Variants in STK36 observed in about 807,000 individuals in gnomAD.
STK36 encodes the protein serine/threonine-protein kinase 36.
STK36 carries 116 observed loss-of-function variants against 142.2 expected under a neutral mutation model. The ratio of observed to expected loss-of-function variants is 0.82; its 90% CI spans 0.70 to 0.95. The LOEUF is 0.95. STK36 is among the 40% of genes least tolerant of loss of function. The pLI is 0.00. For missense variants in STK36, 1,422 were observed against 1,617.2 expected (o/e 0.88, Z 2.07); for synonymous variants, 619 against 641.7 (o/e 0.96, Z 0.53).
chr2:218,693,437 A>G, intron 17 of STK36, 93 bp downstream of exon 17: 2 of 1,246,340 alleles, frequency 1.6e-6, no homozygotes, highest in Middle Eastern at 1.9e-4. Flanking sequence ...GAGGACTAAA[A>G]GAGAGAGAGA....
In STK36 at chr2:218,697,607, A is replaced by C; in HGVS notation, c.2906A>C (p.Gln969Pro). The C allele has an allele frequency of 6.2e-7, 1 of 1,614,174 alleles. No individual in the cohort carries two copies. Among genetic ancestry groups the C allele is most frequent in the Non-Finnish European group, 8.5e-7 (1 of 1,180,038 alleles). The change falls in exon 24 of 27, where the codon CAG becomes CCG. Residue 969 changes from glutamine to proline, a missense_variant. Gln to Pro is a moderately conservative substitution (Grantham distance 76). Coordinates refer to ENST00000295709, the MANE Select transcript of STK36 (RefSeq NM_015690.5). ...LCPSFLNQLR[Q>P]APHGSEFLPV... ...CCCAGCTTCCTGAATCAACTGCGCC[A>C]GGCGTGAGTTTGAGCTAGAAGAGAG...
chr2:218,690,470 C>T lies in STK36; in HGVS notation c.1679C>T (p.Ala560Val), dbSNP rs1466353195. The T allele has an allele frequency of 6.2e-7, 1 of 1,614,010 alleles. No individual in the cohort carries two copies. Among genetic ancestry groups the T allele is most frequent in the Non-Finnish European group, 8.5e-7 (1 of 1,180,014 alleles). ...TSDSLQVFQE[A>V]ANLFLDLLGK... The stretch of plus-strand genomic sequence containing the variant: ...CCCAGCCTGCAGGTGTTTCAGGAGG[C>T]TGCCAACCTTTTTCTGGACCTGTTG... Residue 560 changes from alanine to valine, a missense_variant, in exon 14 of 27, where the codon GCT (alanine) becomes GTT (valine). By Grantham distance (64) the Ala-to-Val change is moderately conservative (BLOSUM62 0). Around this residue, in one of 2 missense-constraint regions of STK36, gnomAD observed 962 missense variants for 1,167.5 expected, o/e 0.82. Coordinates refer to ENST00000295709, the MANE Select transcript of STK36 (RefSeq NM_015690.5).
chr2:218,692,510 C>T (rs1335044513), intron 15 of STK36, 73 bp from the exon 16 acceptor site: 7 of 1,535,864 alleles, frequency 4.6e-6, no homozygotes, highest in East Asian at 2.3e-5. Context: ...GCTGCCATGT[C>T]GGTGAGTACT....
Position 218,688,764 on chromosome 2 carries a change from T to C in STK36, c.1448T>C (p.Leu483Pro). Residue 483 changes from leucine to proline, a missense_variant, in exon 12 of 27, where the codon CTC (leucine) becomes CCC (proline). Leu to Pro is a moderately conservative substitution (Grantham distance 98). Transcript: ENST00000295709. ...GCATTCCGGGTCCTGAGCAGTCTTC[T>C]CTCCAGCTGCAGTGATTCTGTTGCC... The part of the protein sequence containing the change: ...LPAFRVLSSL[L>P]SSCSDSVALY... 6.2e-7 allele frequency: 1 copy of C among 1,614,224 alleles called. No homozygotes were observed. The highest frequency in any genetic ancestry group is 8.5e-7 in the Non-Finnish European group (1 of 1,180,034).
rs1940439811 is a variant in STK36 at position 218,679,986 on chromosome 2, C to G, written c.1042C>G (p.Pro348Ala). The change falls in exon 9 of 27, where the codon CCT becomes GCT. Residue 348 changes from proline to alanine, a missense_variant. This residue lies in a region of STK36 where 460 missense variants were observed against 449.6 expected (regional missense o/e 1.02). Coordinates refer to ENST00000295709, the MANE Select transcript of STK36 (RefSeq NM_015690.5). Reference protein sequence around the residue: ...TAPLPRLGATPQESSLLAGIL... With the variant: ...TAPLPRLGATAQESSLLAGIL... ...CCCTCTGCCCAGACTCGGGGCCACTCCTCAGGAATCAAGCCTCCTGGCCGG... is the reference window on the plus strand; with the variant it reads ...CCCTCTGCCCAGACTCGGGGCCACTGCTCAGGAATCAAGCCTCCTGGCCGG... 1 of 1,614,056 alleles carries G rather than the reference C, an allele frequency of 6.2e-7. No individual in the cohort carries two copies.
At chr2:218,693,385 C>T (rs777164162) in intron 17 of STK36, 41 bp downstream of exon 17, 2 of 1,565,190 alleles carry the variant, frequency 1.3e-6, no homozygotes, top group African/African-American at 1.4e-5. Context: ...TTATTTTTAA[C>T]TCCCAGTGCA....
rs368735138 is a variant in STK36 at position 218,696,510 on chromosome 2, A to G, written c.2512-17A>G. ...TTCCTCTTAGGCACCTGCATTCTTC[A>G]TGTTTCTCTCTGACAGGTTCGGTTG... On this transcript the variant is annotated splice_polypyrimidine_tract_variant and intron_variant, in intron 21 of 26. Transcript: ENST00000295709. 96 of 1,613,172 alleles carry G rather than the reference A, an allele frequency of 6.0e-5. No homozygotes were observed. Among genetic ancestry groups the G allele is most frequent in the Non-Finnish European group, 7.5e-5 (89 of 1,179,336 alleles).
At chr2:218,685,025 G>A in intron 10 of STK36, 60 bp from the exon 11 acceptor site, 1 of 1,598,040 alleles carries the variant, frequency 6.3e-7, no homozygotes, top group Non-Finnish European at 8.6e-7. Context: ...CTACTGGTTG[G>A]GATCTACTAC....
Position 218,672,119 on chromosome 2 carries a change from G to A in STK36, c.-186G>A. On this transcript the variant is annotated 5_prime_UTR_variant, in exon 1 of 27. In the 5' UTR this introduces an upstream ATG that the reference lacks. Transcript: ENST00000295709. ...CTGATGGCCCTGAGGCAGTTCGGAT[G>A]TGTCCCAGGAAGTGCCCATGTGTGG... 1 of 928,318 alleles carries A rather than the reference G, an allele frequency of 1.1e-6. No individual in the cohort carries two copies. Among genetic ancestry groups the A allele is most frequent in the Non-Finnish European group, 1.7e-6 (1 of 597,138 alleles). 57.5% of individuals were successfully genotyped at this position (928,318 alleles called of 1,614,324 possible).
chr2:218,699,181 G>C lies in STK36; in HGVS notation c.3637G>C (p.Ala1213Pro). Residue 1213 changes from alanine (A) to proline (P), a missense_variant, in exon 26 of 27, where the codon GCA becomes CCA. By Grantham distance (27) the Ala-to-Pro change is conservative (BLOSUM62 -1). This residue lies in a region of STK36 where 962 missense variants were observed against 1,167.5 expected (regional missense o/e 0.82). Transcript: ENST00000295709. ...TCAGGCTGGTATCCGGCGCAATGTT[G>C]CATCAGCTCTGGGCAACTTGGGACC... The part of the protein sequence containing the change: ...DPQAGIRRNV[A>P]SALGNLGPEG... 1 of 1,614,110 alleles carries C rather than the reference G, an allele frequency of 6.2e-7. No individual in the cohort carries two copies. Among genetic ancestry groups the C allele is most frequent in the Non-Finnish European group, 8.5e-7 (1 of 1,180,034 alleles).
chr2:218,678,397 C>G (rs902265596), intron 6 of STK36, among the ~76,000 whole-genome samples: 1 of 152,022 alleles, frequency 6.6e-6, no homozygotes, highest in African/African-American at 2.4e-5. Context: ...TGAGGGGGCC[C>G]GAATAATTGT....
rs759539091 is a variant in STK36 at position 218,673,856 on chromosome 2, G to T, written c.226-23G>T. 5.0e-6 allele frequency: 8 copies of T among 1,614,208 alleles called. No individual in the cohort carries two copies. The South Asian group carries it at 6.6e-5, about 13-fold the overall frequency. ...AGAATGCATGAATCTGGAGCCATCA[G>T]TGCCACTGCCTTCTCTCTGTAGGTG... is the stretch of plus-strand genomic sequence containing the variant. On this transcript the variant is annotated intron_variant, in intron 3 of 26. Transcript: ENST00000295709.
chr2:218,689,839 C>T lies in STK36; in HGVS notation c.1561-20C>T. 1.9e-6 allele frequency: 3 copies of T among 1,601,254 alleles called. No individual in the cohort carries two copies. The highest frequency in any genetic ancestry group is 2.6e-6 in the Non-Finnish European group (3 of 1,172,488). On this transcript the variant is annotated intron_variant, in intron 12 of 26. Coordinates refer to ENST00000295709, the MANE Select transcript of STK36 (RefSeq NM_015690.5). ...CCATCCTTCACATTGCCCTTACTCTCTTCTCCTTTTCCTGGGCAGCAATCT... is the reference window on the plus strand; with the variant it reads ...CCATCCTTCACATTGCCCTTACTCTTTTCTCCTTTTCCTGGGCAGCAATCT...
At chr2:218,696,625 T>C in intron 22 of STK36, 24 bp downstream of exon 22, 1 of 1,612,284 alleles carries the variant, frequency 6.2e-7, no homozygotes, top group Non-Finnish European at 8.5e-7. Flanking sequence ...TTGGGATGGA[T>C]GGGAAGTAAA....
chr2:218,682,557 C>T (rs1174726684), intron 10 of STK36, among the ~76,000 whole-genome samples: 1 of 152,038 alleles, frequency 6.6e-6, no homozygotes, highest in Non-Finnish European at 1.5e-5. Context: ...TTTTTTTCTG[C>T]TCCATGATCC....
At chr2:218,679,789 A>G in intron 8 of STK36, 60 bp downstream of exon 8, 2 of 1,610,470 alleles carry the variant, frequency 1.2e-6, no homozygotes, top group Admixed American at 1.7e-5. Flanking sequence ...GAGTTAGAGG[A>G]GGAGGGTGAC....
chr2:218,696,489 T>A, intron 21 of STK36, 38 bp from the exon 22 acceptor site: 1 of 1,598,014 alleles, frequency 6.3e-7, no homozygotes, highest in Non-Finnish European at 8.6e-7. Context: ...ACCCCATTCC[T>A]CTTAGGCACC....
In STK36 at chr2:218,698,838, C is replaced by T. The variant is rs1215976158; in HGVS notation, c.3294C>T (p.Ser1098=). 2 of 1,614,104 alleles carry T rather than the reference C, an allele frequency of 1.2e-6. No homozygotes were observed. The highest frequency in any genetic ancestry group is 2.7e-5 in the African/African-American group (2 of 74,928). Residue 1098 remains serine (S), a synonymous_variant, in exon 26 of 27, where the codon TCC becomes TCT. Coordinates refer to ENST00000295709, the MANE Select transcript of STK36 (RefSeq NM_015690.5). ...TARVLSPSHL[S]FIQELLAGSD... The stretch of plus-strand genomic sequence containing the variant: ...GGGTCCTGTCTCCCAGCCACTTGTC[C>T]TTTATCCAAGAGCTTCTGGCTGGCT...
At chr2:218,700,939 G>A (rs1429601127) in intron 26 of STK36, among the ~76,000 whole-genome samples, 1 of 150,818 alleles carries the variant, frequency 6.6e-6, no homozygotes, top group Non-Finnish European at 1.5e-5. Flanking sequence ...TTGAACCTGG[G>A]AGGAGGAGGT....
Sources: gnomAD v4.1 joint callset for allele counts (sites outside exome capture counted in the v4.1 genomes callset) on GRCh38, gnomAD v4.1.1 for gene constraint, gnomAD v4.1.1 regional missense constraint, MANE v1.5 for transcripts, NCBI Gene and HGNC (gene_info 2026-07-23, HGNC 2026-07-21) for gene names.